Variants in UNC13C observed in about 807,000 individuals in gnomAD.
The protein encoded by UNC13C is protein unc-13 homolog C.
UNC13C carries 174 observed loss-of-function variants against 245.4 expected under a neutral mutation model. The ratio of observed to expected loss-of-function variants is 0.71; its 90% CI spans 0.63 to 0.80. UNC13C has a LOEUF of 0.80. UNC13C is among the 30% of genes least tolerant of loss of function. UNC13C has a pLI of 0.00. For synonymous variants in UNC13C, 992 were observed against 895.1 expected, an observed-to-expected ratio of 1.11 and a Z score of -1.93; for missense variants, 2,829 against 2,602.9, an observed-to-expected ratio of 1.09 and a Z score of -1.89.
intron 19 of UNC13C, among the ~76,000 whole-genome samples, chr15:54,428,374 C>T (rs1270640153): frequency 6.6e-6 from 1 of 151,578 alleles, no homozygotes; most frequent in African/African-American, 2.4e-5. Flanking sequence ...TCGCTCTGAA[C>T]TCTTTGTCCT....
At chr15:53,887,692 T>C in the UNC13C span, among the ~76,000 whole-genome samples, 1 of 152,142 alleles carries the variant, frequency 6.6e-6, no homozygotes, top group Non-Finnish European at 1.5e-5. Flanking sequence ...AGGTATTTTC[T>C]CCAAATGCTA....
At chr15:54,613,742 A>G (rs529032217) in intron 30 of UNC13C, among the ~76,000 whole-genome samples, 1 of 152,134 alleles carries the variant, frequency 6.6e-6, no homozygotes, top group Non-Finnish European at 1.5e-5. Flanking sequence ...TCGGTTTATC[A>G]TGTTTAATTT....
rs1797541864 is a variant in UNC13C, at chr15:54,013,742, G to A, written c.839G>A (p.Ser280Asn). 1 of 1,612,044 alleles carries A rather than the reference G, an allele frequency of 6.2e-7. No individual in the cohort carries two copies. The highest frequency in any genetic ancestry group is 1.3e-5 in the African/African-American group (1 of 74,826). ...LKHSIDEISSSVEVVQSEIEQ... is the reference protein window; with the variant it reads ...LKHSIDEISSNVEVVQSEIEQ... ...CACTCCATCGATGAGATCTCCAGCA[G>A]TGTGGAGGTTGTACAAAGTGAAATT... The change falls in exon 2 of 33, where the codon AGT (serine) becomes AAT (asparagine). Residue 280 changes from serine to asparagine, a missense_variant. By Grantham distance (46) the Ser-to-Asn change is conservative (BLOSUM62 1). Transcript: ENST00000260323.
intron 19 of UNC13C, among the ~76,000 whole-genome samples, chr15:54,462,081 T>G (rs961451942): frequency 6.6e-6 from 1 of 151,988 alleles, no homozygotes; most frequent in East Asian, 1.9e-4. Context: ...AAGCACAAAA[T>G]AGATAAGGAT....
intron 24 of UNC13C, 111 bp downstream of exon 24, chr15:54,511,941 C>T: frequency 1.4e-6 from 1 of 724,256 alleles, no homozygotes; most frequent in Non-Finnish European, 2.4e-6. Flanking sequence ...TAACTAAGAA[C>T]AGGAAATGAT....
At chr15:53,897,642 C>T in the UNC13C span, among the ~76,000 whole-genome samples, 1 of 152,222 alleles carries the variant, frequency 6.6e-6, no homozygotes, top group Non-Finnish European at 1.5e-5. Context: ...GGTCATCACA[C>T]TGTTATAGCA....
intron 7 of UNC13C, among the ~76,000 whole-genome samples, chr15:54,243,197 A>G (rs968289051): frequency 6.7e-4 from 88 of 131,748 alleles, no homozygotes; most frequent in African/African-American, 2.5e-3. Flanking sequence ...ACGTGTTCTC[A>G]TCCTTCAGCT....
At chr15:54,040,824 T>A (rs1383080801) in intron 2 of UNC13C, among the ~76,000 whole-genome samples, 11 of 152,214 alleles carry the variant, frequency 7.2e-5, no homozygotes. Flanking sequence ...CAGCCTGAAA[T>A]GTTCTTGCCT....
rs945840891 is a variant in UNC13C, at chr15:53,978,667, C to T, written c.-517C>T. ...CAGCAGCTAAGTTGTAGAATTGCTT[C>T]GGAGGCTACCCGGGAGTGCGATAGA... On this transcript the variant is annotated 5_prime_UTR_variant, in exon 1 of 33. Coordinates refer to ENST00000260323, the MANE Select transcript of UNC13C (RefSeq NM_001080534.3). 6.6e-6 allele frequency among the ~76,000 whole-genome samples: 1 copy of T among 152,062 alleles called. No individual in the cohort carries two copies. Among genetic ancestry groups the T allele is most frequent in the African/African-American group, 2.4e-5 (1 of 41,394 alleles).
intron 1 of UNC13C, among the ~76,000 whole-genome samples, chr15:54,009,784 A>T (rs1895302217): frequency 6.6e-6 from 1 of 151,982 alleles, no homozygotes; most frequent in South Asian, 2.1e-4. Context: ...TGACCTCATG[A>T]TCTGCTGCCT....
chr15:53,979,826 A>G (rs1007256931), intron 1 of UNC13C, among the ~76,000 whole-genome samples: 1 of 152,198 alleles, frequency 6.6e-6, no homozygotes, highest in African/African-American at 2.4e-5. Flanking sequence ...TTTTGAAATT[A>G]ATAAAAAACT....
the UNC13C span, among the ~76,000 whole-genome samples, chr15:53,873,119 G>C: frequency 7.3e-6 from 1 of 137,930 alleles, no homozygotes; most frequent in Non-Finnish European, 1.6e-5. Context: ...TTGAGGAGGA[G>C]AAGGGGGACA....
intron 26 of UNC13C, among the ~76,000 whole-genome samples, chr15:54,541,205 A>C (rs1182450347): frequency 1.3e-5 from 2 of 152,052 alleles, no homozygotes; most frequent in Non-Finnish European, 2.9e-5. Context: ...TTAACATAAA[A>C]ATGTGTCTTG....
At chr15:54,225,396 T>C (rs1379458578) in intron 4 of UNC13C, among the ~76,000 whole-genome samples, 1 of 152,254 alleles carries the variant, frequency 6.6e-6, no homozygotes, top group Non-Finnish European at 1.5e-5. Context: ...TAAATTACTT[T>C]GGGCAGTATG....
chr15:54,197,277 G>A (rs567758969), intron 4 of UNC13C, among the ~76,000 whole-genome samples: 1 of 150,974 alleles, frequency 6.6e-6, no homozygotes, highest in South Asian at 2.1e-4. Context: ...AGGAGATCGA[G>A]ACCAGCCTGG....
chr15:53,978,172 T>C (rs929228201), upstream of UNC13C, among the ~76,000 whole-genome samples: 10 of 152,268 alleles, frequency 6.6e-5, no homozygotes, highest in Non-Finnish European at 1.5e-4. Flanking sequence ...TGGCCATGAC[T>C]GTCTCCTAGG....
the UNC13C span, among the ~76,000 whole-genome samples, chr15:53,862,635 T>C: frequency 6.6e-6 from 1 of 152,136 alleles, no homozygotes. Flanking sequence ...AACTTATGCA[T>C]TCATCAAAAT....
At chr15:54,216,316 T>G (rs1451568128) in intron 4 of UNC13C, among the ~76,000 whole-genome samples, 2 of 151,988 alleles carry the variant, frequency 1.3e-5, no homozygotes, top group Non-Finnish European at 2.9e-5. Context: ...TTTAGGTTGC[T>G]TCAATTCTAT....
chr15:54,114,720 G>T (rs1244293314), intron 2 of UNC13C, among the ~76,000 whole-genome samples: 1 of 151,956 alleles, frequency 6.6e-6, no homozygotes, highest in Non-Finnish European at 1.5e-5. Context: ...AAGAATTTTG[G>T]GGCAAAGAGA....
Sources: allele counts gnomAD v4.1 joint callset (sites outside exome capture counted in the v4.1 genomes callset), GRCh38; gene constraint gnomAD v4.1.1; transcripts MANE v1.5; gene names NCBI Gene and HGNC (gene_info 2026-07-23, HGNC 2026-07-21).